Variants in CDC42EP4 observed in about 807,000 individuals in gnomAD.
CDC42EP4 encodes the protein CDC42 effector protein (Rho GTPase binding) 4.
CDC42EP4 carries 6 observed loss-of-function variants against 5.6 expected under a neutral mutation model. The observed-to-expected ratio is 1.07, with a 90% CI of 0.59 to 2.12. CDC42EP4 has a LOEUF of 2.12. Among genes scored for constraint, CDC42EP4 ranks in the 30% most tolerant of loss-of-function variants. The probability of loss-of-function intolerance (pLI) is 0.00; values close to 1 mark genes in which losing one functional copy is unlikely to be tolerated. For missense variants in CDC42EP4, 490 were observed against 508.6 expected (o/e 0.96, Z 0.35); for synonymous variants, 230 against 224.2 (o/e 1.03, Z -0.23).
chr17:73,301,253 A>G (rs950412452), intron 1 of CDC42EP4, among the ~76,000 whole-genome samples: 2 of 152,198 alleles, frequency 1.3e-5, no homozygotes, highest in African/African-American at 4.8e-5. Context: ...TTAAAATGTA[A>G]CTATTAAAAT....
At chr17:73,310,988 G>A (rs2062271697) in intron 1 of CDC42EP4, 1 of 152,232 alleles carries the variant, frequency 6.6e-6, no homozygotes, top group African/African-American at 2.4e-5. Flanking sequence ...GGCGGGGCCA[G>A]GGACGGCCGA....
At chr17:73,310,791 A>ACACACACACG (rs1451239020) in intron 1 of CDC42EP4, 3 of 125,566 alleles carry the variant, frequency 2.4e-5, no homozygotes, top group African/African-American at 9.0e-5. Context: ...ACACACACAC[A>ACACACACACG]CACGCACTTC....
In CDC42EP4 at chr17:73,286,220, C is replaced by T. The variant is rs201116432; in HGVS notation, c.281G>A (p.Arg94Lys). ...RGSKRSQSVT[R>K]GEREQRDMLG... ...CATGTCACGCTGCTCCCGCTCCCCC[C>T]TGGTCACCGACTGTGACCGCTTGCT... Residue 94 changes from arginine to lysine, a missense_variant, in exon 2 of 2, where the codon AGG (arginine) becomes AAG (lysine). Arg to Lys is a conservative substitution (Grantham distance 26). Coordinates refer to ENST00000335793, the MANE Select transcript of CDC42EP4 (RefSeq NM_012121.5). The surrounding 1 kb of genome is among the most constrained non-coding windows in gnomAD (Gnocchi z 7.7). The T allele has an allele frequency of 5.2e-5, 84 of 1,614,208 alleles. No homozygotes were observed. Among genetic ancestry groups the T allele is most frequent in the Non-Finnish European group, 6.8e-5 (80 of 1,180,050 alleles).
intron 1 of CDC42EP4, among the ~76,000 whole-genome samples, chr17:73,294,539 C>T (rs2062175648): frequency 6.6e-6 from 1 of 152,046 alleles, no homozygotes; most frequent in Non-Finnish European, 1.5e-5. Flanking sequence ...TGGATTGAAG[C>T]CAGAGTTTAA....
chr17:73,303,431 G>A (rs1240104950), intron 1 of CDC42EP4, among the ~76,000 whole-genome samples: 1 of 152,144 alleles, frequency 6.6e-6, no homozygotes, highest in Non-Finnish European at 1.5e-5. Flanking sequence ...GGAGGCCGAG[G>A]AGTATGGATC....
chr17:73,295,013 T>C (rs925839396), intron 1 of CDC42EP4, among the ~76,000 whole-genome samples: 1 of 152,108 alleles, frequency 6.6e-6, no homozygotes, highest in Non-Finnish European at 1.5e-5. Context: ...GGTTCCACCA[T>C]GTTGGCCAAG....
At chr17:73,300,772 C>G (rs191733363) in intron 1 of CDC42EP4, among the ~76,000 whole-genome samples, 1 of 152,222 alleles carries the variant, frequency 6.6e-6, no homozygotes, top group Admixed American at 6.5e-5. Context: ...ATAGGCAGGG[C>G]GCGGTGGCTC....
At chr17:73,304,552 C>T (rs957722069) in intron 1 of CDC42EP4, among the ~76,000 whole-genome samples, 16 of 150,652 alleles carry the variant, frequency 1.1e-4, no homozygotes, top group South Asian at 2.1e-4. Context: ...TAGAGGGGCA[C>T]GTGCTCTACT....
At position 73,286,125 on chromosome 17, in the gene CDC42EP4, CCTT is replaced by C. The variant is rs1293635416; in HGVS notation, c.373_375del (p.Lys125del). On this transcript the variant is annotated inframe_deletion, in exon 2 of 2. Transcript: ENST00000335793. This position sits in a 1 kb window ranked among gnomAD's most constrained non-coding sequence, Gnocchi z 7.7. The stretch of plus-strand genomic sequence containing the variant: ...TTACTGGTGCCCTTCTCCGCGGCCT[CCTT>C]CTCATTGAGCTGGGGCAGGGACATG... The C allele has an allele frequency of 1.2e-6, 2 of 1,614,050 alleles. No homozygotes were observed. The highest frequency in any genetic ancestry group is 4.5e-5 in the East Asian group (2 of 44,868).
chr17:73,301,056 TAA>T (rs58376913), intron 1 of CDC42EP4, among the ~76,000 whole-genome samples: 1,506 of 124,496 alleles, frequency 0.012, 52 homozygotes, highest in East Asian at 0.097. Context: ...TCAAAAAAAT[TAA>T]AAAAAAAAAA....
At chr17:73,291,954 C>A (rs1252108609) in intron 1 of CDC42EP4, among the ~76,000 whole-genome samples, 1 of 152,202 alleles carries the variant, frequency 6.6e-6, no homozygotes, top group African/African-American at 2.4e-5. Context: ...TTGCCTGGAC[C>A]CCTCGCCTAT....
Position 73,286,546 on chromosome 17 carries a change from G to A in CDC42EP4, c.-46C>T, listed in dbSNP as rs935910589. The A allele has an allele frequency of 2.6e-5, 38 of 1,459,878 alleles. No individual in the cohort carries two copies. Among genetic ancestry groups the A allele is most frequent in the Non-Finnish European group, 2.9e-5 (31 of 1,082,296 alleles). 90.4% of individuals were successfully genotyped at this position (1,459,878 alleles called of 1,614,324 possible). ...GTGGGCCCTCCCGAGGTAGCCGGCA[G>A]GTCTGGGGTCAGATCTGAAGTCCAA... is the stretch of plus-strand genomic sequence containing the variant. On this transcript the variant is annotated 5_prime_UTR_variant, in exon 2 of 2. Transcript: ENST00000335793. The surrounding 1 kb of genome is among the most constrained non-coding windows in gnomAD (Gnocchi z 7.7).
At chr17:73,302,151 T>TC (rs1465406086) in intron 1 of CDC42EP4, among the ~76,000 whole-genome samples, 1 of 152,076 alleles carries the variant, frequency 6.6e-6, no homozygotes, top group African/African-American at 2.4e-5. Flanking sequence ...TACCTTTTTT[T>TC]CCCCCTAACA....
At chr17:73,296,852 G>T (rs2062188348) in intron 1 of CDC42EP4, among the ~76,000 whole-genome samples, 1 of 150,818 alleles carries the variant, frequency 6.6e-6, no homozygotes, top group African/African-American at 2.4e-5. Context: ...GCGGTGAGGG[G>T]GGCCTGTAGT....
chr17:73,290,588 G>A (rs2062156611), intron 1 of CDC42EP4, among the ~76,000 whole-genome samples: 1 of 152,192 alleles, frequency 6.6e-6, no homozygotes, highest in East Asian at 1.9e-4. Flanking sequence ...TCAAGATATT[G>A]CCCAATGTCC....
At chr17:73,288,851 C>T (rs916395093) in intron 1 of CDC42EP4, among the ~76,000 whole-genome samples, 3 of 152,340 alleles carry the variant, frequency 2.0e-5, no homozygotes, top group Admixed American at 6.5e-5. Context: ...GCTTATCATT[C>T]CAGCAAACAC....
At chr17:73,292,164 A>G (rs2062164538) in intron 1 of CDC42EP4, among the ~76,000 whole-genome samples, 2 of 152,238 alleles carry the variant, frequency 1.3e-5, no homozygotes, top group Non-Finnish European at 2.9e-5. Context: ...ACCCCGGTAT[A>G]CAGGGTACAC....
At chr17:73,309,560 G>C (rs571408380) in intron 1 of CDC42EP4, among the ~76,000 whole-genome samples, 2 of 152,080 alleles carry the variant, frequency 1.3e-5, no homozygotes, top group South Asian at 4.2e-4. Flanking sequence ...AAGCACGGTG[G>C]GTGGGCAAGG....
chr17:73,310,589 G>C (rs951379301), intron 1 of CDC42EP4, among the ~76,000 whole-genome samples: 19 of 152,248 alleles, frequency 1.2e-4, no homozygotes, highest in South Asian at 2.1e-4. Context: ...GTCGTGGAGA[G>C]AGAGAAGTTC....
Sources: allele counts gnomAD v4.1 joint callset (sites outside exome capture counted in the v4.1 genomes callset), GRCh38; gene constraint gnomAD v4.1.1; non-coding constraint Gnocchi (gnomAD v3.1); transcripts MANE v1.5; gene names NCBI Gene and HGNC (gene_info 2026-07-23, HGNC 2026-07-21).